Variants in RBM12B observed in about 807,000 individuals in gnomAD.
RBM12B encodes the protein RNA-binding protein 12B.
RBM12B carries 10 observed loss-of-function variants against 34.3 expected under a neutral mutation model. That is an observed-to-expected ratio of 0.29 (90% CI 0.18 to 0.49). The LOEUF is 0.49. Among genes scored for constraint, RBM12B ranks in the 20% least tolerant of loss-of-function variants. The pLI is 0.99. For synonymous variants in RBM12B, 477 were observed against 437.1 expected (o/e 1.09, Z -1.14); for missense variants, 1,139 against 1,262.7 (o/e 0.90, Z 1.48).
In RBM12B at chr8:93,735,197, C is replaced by A. The variant is rs1390207061; in HGVS notation, c.1214G>T (p.Arg405Ile). ...TTTTGTAACATCAAATGGAAAATTTCTTATATAGATGCACAGTTTCTGGCC... is the reference window on the plus strand; with the variant it reads ...TTTTGTAACATCAAATGGAAAATTTATTATATAGATGCACAGTTTCTGGCC... ...NSGQKLCIYI[R>I]NFPFDVTKVE... The change falls in exon 4 of 4, where the codon AGA (arginine) becomes ATA (isoleucine). Residue 405 changes from arginine to isoleucine, a missense_variant. Physicochemically the swap from Arg to Ile is moderately conservative, Grantham distance 97. Transcript: ENST00000520560. The A allele has an allele frequency of 1.2e-6, 2 of 1,614,056 alleles. No homozygotes were observed. Among genetic ancestry groups the A allele is most frequent in the East Asian group, 2.2e-5 (1 of 44,884 alleles).
rs1183638759 is a variant in RBM12B, at chr8:93,735,806, G to A, written c.605C>T (p.Ala202Val). The change falls in exon 4 of 4, where the codon GCT becomes GTT. Residue 202 changes from alanine to valine, a missense_variant. Physicochemically the swap from Ala to Val is moderately conservative, Grantham distance 64. This residue lies in a region of RBM12B where 216 missense variants were observed against 292.2 expected (regional missense o/e 0.74). Coordinates refer to ENST00000520560, the MANE Select transcript of RBM12B (RefSeq NM_001377960.1). ...ACCTCCTGAAGCATCAACACATGAA[G>A]CAAATTTTACTATGGCATCACCATT... Reference protein sequence around the residue: ...RNNGDAIVKFASCVDASGGLK... With the variant: ...RNNGDAIVKFVSCVDASGGLK... 2 of 1,613,962 alleles carry A rather than the reference G, an allele frequency of 1.2e-6. No homozygotes were observed. Among genetic ancestry groups the A allele is most frequent in the Admixed American group, 1.7e-5 (1 of 60,012 alleles).
Position 93,731,604 on chromosome 8 carries a change from A to C in RBM12B, c.*1801T>G, listed in dbSNP as rs1586306712. The C allele has an allele frequency of 6.6e-6, 1 of 152,332 alleles. No homozygotes were observed. Among genetic ancestry groups the C allele is most frequent in the Middle Eastern group, 3.4e-3 (1 of 294 alleles). 9.4% of individuals were successfully genotyped at this position (152,332 alleles called of 1,614,324 possible). A position where few individuals can be genotyped will look rare whatever the true frequency, so the allele number is the denominator to read the frequency against. On this transcript the variant is annotated 3_prime_UTR_variant, in exon 4 of 4. Transcript: ENST00000520560. ...TCTGTTAGATTTCTTTAAATCACTG[A>C]AAAGTAACACAAAAATACATATAGG... is the stretch of plus-strand genomic sequence containing the variant.
In RBM12B at chr8:93,733,996, G is replaced by A. The variant is rs1229205611; in HGVS notation, c.2415C>T (p.His805=). 13 of 1,612,178 alleles carry A rather than the reference G, an allele frequency of 8.1e-6. No homozygotes were observed. Among genetic ancestry groups the A allele is most frequent in the Middle Eastern group, 1.7e-4 (1 of 6,050 alleles). The change falls in exon 4 of 4, where the codon CAC becomes CAT. Residue 805 remains histidine (H), a synonymous_variant. Coordinates refer to ENST00000520560, the MANE Select transcript of RBM12B (RefSeq NM_001377960.1). ...FRRSREEDFR[H]PPDEDFRGPP... ...GGCCCCTGAAGTCTTCATCTGGTGG[G>A]TGCCTGAAATCTTCCTCTCGGGAGC...
Position 93,735,310 on chromosome 8 carries a change from A to G in RBM12B, c.1101T>C (p.Ile367=). 6 of 1,614,052 alleles carry G rather than the reference A, an allele frequency of 3.7e-6. No individual in the cohort carries two copies. The highest frequency in any genetic ancestry group is 5.1e-6 in the Non-Finnish European group (6 of 1,180,024). Residue 367 remains isoleucine (I), a synonymous_variant, in exon 4 of 4, where the codon ATT becomes ATC. Coordinates refer to ENST00000520560, the MANE Select transcript of RBM12B (RefSeq NM_001377960.1). ...CTGATCTCTTCTTTTCATAACGTGC[A>G]ATGAACTTCAGCATTTGTTTTCTAG... is the stretch of plus-strand genomic sequence containing the variant. The part of the protein sequence containing the change: ...PISRKQMLKF[I]ARYEKKRSGS...
rs373301535 is a variant in RBM12B at position 93,734,502 on chromosome 8, G to A, written c.1909C>T (p.Arg637Trp). Residue 637 changes from arginine to tryptophan, a missense_variant, in exon 4 of 4, where the codon CGG becomes TGG. Physicochemically the swap from Arg to Trp is moderately radical, Grantham distance 101. Coordinates refer to ENST00000520560, the MANE Select transcript of RBM12B (RefSeq NM_001377960.1). The part of the protein sequence containing the change: ...WRRPLEEDFR[R>W]SPTEDFRQLP... ...TGCCTGAAGTCCTCCGTGGGAGACCGCCTGAAATCCTCCTCCAGTGGCCGC... is the reference window on the plus strand; with the variant it reads ...TGCCTGAAGTCCTCCGTGGGAGACCACCTGAAATCCTCCTCCAGTGGCCGC... The A allele has an allele frequency of 3.7e-5, 59 of 1,607,258 alleles. No individual in the cohort carries two copies. In the East Asian group the frequency reaches 3.8e-4, roughly 10 times the overall value.
rs111614638 is a variant in RBM12B, at chr8:93,736,911, G to A, written c.-29+396C>T. ...AATTGCCTACCACTGGCCAGACACA[G>A]AGAACAAAAGCCAGGGCCAGCATGA... On this transcript the variant is annotated intron_variant, in intron 3 of 3. Coordinates refer to ENST00000520560, the MANE Select transcript of RBM12B (RefSeq NM_001377960.1). Among the ~76,000 whole-genome samples, 811 of 152,352 alleles carry A rather than the reference G, an allele frequency of 5.3e-3. 4 individuals carry two copies. Among genetic ancestry groups the A allele is most frequent in the Admixed American group, 9.7e-3 (149 of 15,306 alleles).
intron 2 of RBM12B, chr8:93,740,308 TCTACAGCCC>T: frequency 2.2e-6 from 1 of 457,194 alleles, no homozygotes; most frequent in Non-Finnish European, 4.4e-6. Flanking sequence ...AGGCATCGAT[TCTACAGCCC>T]AAAGCCTTTG....
At position 93,735,424 on chromosome 8, in the gene RBM12B, C is replaced by A. The variant is rs1327048044; in HGVS notation, c.987G>T (p.Val329=). ...TATAGTCTTTCAGAGTCTTGAACATCACAAAGGCATATCTTGTTCTATTTT... is the reference window on the plus strand; with the variant it reads ...TATAGTCTTTCAGAGTCTTGAACATAACAAAGGCATATCTTGTTCTATTTT... ...KDENRTRYAF[V]MFKTLKDYNT... The change falls in exon 4 of 4, where the codon GTG becomes GTT. Residue 329 remains valine, a synonymous_variant. Transcript: ENST00000520560. 1 of 1,613,482 alleles carries A rather than the reference C, an allele frequency of 6.2e-7. No individual in the cohort carries two copies.
chr8:93,738,760 G>A (rs1174824334), intron 2 of RBM12B, among the ~76,000 whole-genome samples: 1 of 152,176 alleles, frequency 6.6e-6, no homozygotes, highest in African/African-American at 2.4e-5. Context: ...CACTGCGCCT[G>A]GAGTAATTTA....
At position 93,734,088 on chromosome 8, in the gene RBM12B, G is replaced by T; in HGVS notation, c.2323C>A (p.Pro775Thr). The T allele has an allele frequency of 6.4e-7, 1 of 1,563,662 alleles. No homozygotes were observed. The highest frequency in any genetic ancestry group is 2.0e-5 in the Admixed American group (1 of 50,554). ...GGCGGTCTCCGGAAGTGCTCCGGGG[G>T]CGGGCGCCTGAAATGCTCTGGGGGT... is the stretch of plus-strand genomic sequence containing the variant. Reference protein sequence around the residue: ...RPPPEHFRRPPPEHFRRPPQE... With the variant: ...RPPPEHFRRPTPEHFRRPPQE... Residue 775 changes from proline (P) to threonine (T), a missense_variant, in exon 4 of 4, where the codon CCC becomes ACC. This residue lies in a region of RBM12B where 863 missense variants were observed against 869.5 expected (regional missense o/e 0.99). Coordinates refer to ENST00000520560, the MANE Select transcript of RBM12B (RefSeq NM_001377960.1).
rs1376055205 is a variant in RBM12B at position 93,732,357 on chromosome 8, G to C, written c.*1048C>G. 2 of 152,206 alleles carry C rather than the reference G, an allele frequency of 1.3e-5. No homozygotes were observed. The highest frequency in any genetic ancestry group is 4.8e-5 in the African/African-American group (2 of 41,456). The allele number at this position is 152,206 out of a possible 1,614,324, so 9.4% of individuals were successfully genotyped here. ...TTGCAAAATGTATGCACTAAATGCT[G>C]AATATCAAAGAAGTCAAAATTCAAC... On this transcript the variant is annotated 3_prime_UTR_variant, in exon 4 of 4. Coordinates refer to ENST00000520560, the MANE Select transcript of RBM12B (RefSeq NM_001377960.1).
In RBM12B at chr8:93,734,533, G is replaced by A. The variant is rs756041789; in HGVS notation, c.1878C>T (p.Asp626=). The change falls in exon 4 of 4, where the codon GAC becomes GAT. Residue 626 remains aspartate (D), a synonymous_variant. Transcript: ENST00000520560. Reference sequence around the variant, plus strand: ...AATCCTCCTCCAGTGGCCGCCTCCAGTCCTCCTCAAGGGGCCTCCTCCAGT... The same window carrying A: ...AATCCTCCTCCAGTGGCCGCCTCCAATCCTCCTCAAGGGGCCTCCTCCAGT... The part of the protein sequence containing the change: ...EEDWRRPLEE[D]WRRPLEEDFR... 1 of 1,612,838 alleles carries A rather than the reference G, an allele frequency of 6.2e-7. No homozygotes were observed. Among genetic ancestry groups the A allele is most frequent in the Non-Finnish European group, 8.5e-7 (1 of 1,179,572 alleles).
At position 93,729,478 on chromosome 8, in the gene RBM12B, G is replaced by A. The variant is rs1364403593; in HGVS notation, c.*3927C>T. The A allele has an allele frequency of 6.6e-6, 1 of 152,104 alleles. No individual in the cohort carries two copies. The highest frequency in any genetic ancestry group is 6.5e-5 in the Admixed American group (1 of 15,268). The allele number at this position is 152,104 out of a possible 1,614,324, so 9.4% of individuals were successfully genotyped here. On this transcript the variant is annotated 3_prime_UTR_variant, in exon 4 of 4. Coordinates refer to ENST00000520560, the MANE Select transcript of RBM12B (RefSeq NM_001377960.1). ...AAAACAACAGAGTTATTATTTTGCT[G>A]CTTACTAAATAGCAACTTCTCTTGA...
At chr8:93,740,600 A>T (rs1320758875) in intron 2 of RBM12B, 29 bp downstream of exon 2, 1 of 439,704 alleles carries the variant, frequency 2.3e-6, no homozygotes, top group Admixed American at 2.6e-5. Context: ...ACCACTGACT[A>T]CGATGACATA....
At position 93,734,602 on chromosome 8, in the gene RBM12B, G is replaced by A. The variant is rs760540718; in HGVS notation, c.1809C>T (p.Phe603=). 4 of 1,612,814 alleles carry A rather than the reference G, an allele frequency of 2.5e-6. No individual in the cohort carries two copies. Among genetic ancestry groups the A allele is most frequent in the African/African-American group, 1.3e-5 (1 of 74,584 alleles). ...TGAAGTCATCCTCCGGAGGGCGCCT[G>A]AAATCTTCCTCCCAAGGGCGCCTGA... ...EDFRRPWEED[F]RRPPEDDFRH... is the part of the protein sequence containing the mutation. Residue 603 remains phenylalanine (F), a synonymous_variant, in exon 4 of 4, where the codon TTC becomes TTT. Transcript: ENST00000520560.
At position 93,736,407 on chromosome 8, in the gene RBM12B, C is replaced by T. The variant is rs2130460723; in HGVS notation, c.4G>A (p.Ala2Thr). 6.4e-7 allele frequency: 1 copy of T among 1,568,382 alleles called. No homozygotes were observed. The highest frequency in any genetic ancestry group is 8.6e-7 in the Non-Finnish European group (1 of 1,163,626). ...AGCCCCAGTAAACGGATGACTACAG[C>T]CATGCTGAGCTCAAACCACAGCAAT... MAVVIRLLGLPF... is the reference protein window; with the variant it reads MTVVIRLLGLPF... Residue 2 changes from alanine to threonine, a missense_variant, in exon 4 of 4, where the codon GCT becomes ACT. By Grantham distance (58) the Ala-to-Thr change is moderately conservative (BLOSUM62 0). This residue lies in a region of RBM12B where 216 missense variants were observed against 292.2 expected (regional missense o/e 0.74). Transcript: ENST00000520560.
chr8:93,737,852 T>G (rs56282609), intron 2 of RBM12B, among the ~76,000 whole-genome samples: 43,392 of 147,610 alleles, frequency 0.29, 6,703 homozygotes, highest in East Asian at 0.5. Context: ...TTTTGCCACA[T>G]GAAAATCCAA....
chr8:93,728,816 A>G lies in RBM12B; in HGVS notation c.*4589T>C, dbSNP rs1811669692. 6.6e-6 allele frequency: 1 copy of G among 152,120 alleles called. No homozygotes were observed. The highest frequency in any genetic ancestry group is 1.5e-5 in the Non-Finnish European group (1 of 67,962). The allele number at this position is 152,120 out of a possible 1,614,324, so 9.4% of individuals were successfully genotyped here. ...AAGAGTATAACCAAAGAGTAAAGAT[A>G]ATGTGACACTAAGTTATCAATGTTT... On this transcript the variant is annotated 3_prime_UTR_variant, in exon 4 of 4. Transcript: ENST00000520560.
rs1239460548 is a variant in RBM12B, at chr8:93,732,429, G to A, written c.*976C>T. The stretch of plus-strand genomic sequence containing the variant: ...AGAGTCTTTGCATGGACACAGTTTC[G>A]AAGCTAAAAAATGAGAACCTAATAT... On this transcript the variant is annotated 3_prime_UTR_variant, in exon 4 of 4. Coordinates refer to ENST00000520560, the MANE Select transcript of RBM12B (RefSeq NM_001377960.1). The A allele has an allele frequency of 6.6e-6, 1 of 152,152 alleles. No individual in the cohort carries two copies. Among genetic ancestry groups the A allele is most frequent in the Admixed American group, 6.5e-5 (1 of 15,268 alleles). 9.4% of individuals were successfully genotyped at this position (152,152 alleles called of 1,614,324 possible).
Sources: allele counts gnomAD v4.1 joint callset (sites outside exome capture counted in the v4.1 genomes callset), GRCh38; gene constraint gnomAD v4.1.1; regional missense constraint gnomAD v4.1.1; transcripts MANE v1.5; gene names NCBI Gene and HGNC (gene_info 2026-07-23, HGNC 2026-07-21).